TMEM87B: variants seen among roughly 807,000 people sequenced by gnomAD.
The protein encoded by TMEM87B is transmembrane protein 87B.
Under a neutral mutation model 80.3 loss-of-function variants are expected in TMEM87B, and 83 were observed. That is an observed-to-expected ratio of 1.03 (90% confidence interval 0.87 to 1.24). The LOEUF is 1.24. Ranked by LOEUF, TMEM87B falls within the 50% of genes most tolerant of loss-of-function variation. The probability of loss-of-function intolerance (pLI) is 0.00; values close to 1 mark genes in which losing one functional copy is unlikely to be tolerated. For synonymous variants in TMEM87B, 219 were observed against 230.5 expected (o/e 0.95, Z 0.45); for missense variants, 625 against 674.4 (o/e 0.93, Z 0.81).
At position 112,072,930 on chromosome 2, in the gene TMEM87B, C is replaced by T. The variant is rs529142030; in HGVS notation, c.451-1982C>T. 4.0e-3 allele frequency among the ~76,000 whole-genome samples: 479 copies of T among 118,568 alleles called. 1 individual carries two copies. Among genetic ancestry groups the T allele is most frequent in the Middle Eastern group, 0.032 (4 of 124 alleles). The allele number at this position is 118,568 out of a possible 152,430, so 77.8% of individuals were successfully genotyped here. A position where few individuals can be genotyped will look rare whatever the true frequency, so the allele number is the denominator to read the frequency against. On this transcript the variant is annotated intron_variant, in intron 4 of 18. Coordinates refer to ENST00000283206, the MANE Select transcript of TMEM87B (RefSeq NM_032824.3). ...TTTTTTTTTTTTTGAGACAGAGTCTCATTCTGTTGCCCAGGCTGGAGGGCA... is the reference window on the plus strand; with the variant it reads ...TTTTTTTTTTTTTGAGACAGAGTCTTATTCTGTTGCCCAGGCTGGAGGGCA...
rs1558837838 is a variant in TMEM87B, at chr2:112,081,129, C to A, written c.654+11C>A. The A allele has an allele frequency of 2.5e-6, 4 of 1,611,124 alleles. No homozygotes were observed. Among genetic ancestry groups the A allele is most frequent in the Non-Finnish European group, 3.4e-6 (4 of 1,178,976 alleles). On this transcript the variant is annotated intron_variant, in intron 7 of 18. Transcript: ENST00000283206. The stretch of plus-strand genomic sequence containing the variant: ...TGGCCCCTAATGATTGTGAGTATTT[C>A]TCATCATTTTTTCCTTTTTAAAAAA...
rs1050660687 is a variant in TMEM87B, at chr2:112,119,081, G to A, written c.*2938G>A. On this transcript the variant is annotated 3_prime_UTR_variant, in exon 19 of 19. Transcript: ENST00000283206. Reference sequence around the variant, plus strand: ...AGGAAGTGTACATTATAATATTGGAGCTCAGTACTGCATGAAGAGACTTCA... The same window carrying A: ...AGGAAGTGTACATTATAATATTGGAACTCAGTACTGCATGAAGAGACTTCA... 6 of 152,100 alleles carry A rather than the reference G, an allele frequency of 3.9e-5. No homozygotes were observed. The highest frequency in any genetic ancestry group is 8.8e-5 in the Non-Finnish European group (6 of 67,992). 9.4% of individuals were successfully genotyped at this position (152,100 alleles called of 1,614,324 possible). A position where few individuals can be genotyped will look rare whatever the true frequency, so the allele number is the denominator to read the frequency against.
At chr2:112,100,763 C>G in intron 15 of TMEM87B, 68 bp downstream of exon 15, 1 of 1,001,082 alleles carries the variant, frequency 1.0e-6, no homozygotes. Flanking sequence ...TACCTTTACC[C>G]GTGATGCAAG....
chr2:112,098,588 C>A lies in TMEM87B; in HGVS notation c.1273-7C>A, dbSNP rs4849007. 817,384 of 1,613,100 alleles carry A rather than the reference C, an allele frequency of 0.51. 213,473 individuals carry two copies. The highest frequency in any genetic ancestry group is 0.86 in the East Asian group (38,654 of 44,842). On this transcript the variant is annotated splice_polypyrimidine_tract_variant and splice_region_variant and intron_variant, in intron 13 of 18. Coordinates refer to ENST00000283206, the MANE Select transcript of TMEM87B (RefSeq NM_032824.3). ...AACGTTTCATGCTTGAATTGTCCTT[C>A]TTTTAGGATTGGATGGAACGCTGGG...
At chr2:112,097,712 CAAAAAAAAA>C (rs68175814) in intron 13 of TMEM87B, among the ~76,000 whole-genome samples, 2 of 57,244 alleles carry the variant, frequency 3.5e-5, no homozygotes, top group Non-Finnish European at 6.4e-5. Flanking sequence ...GACTCCATCT[CAAAAAAAAA>C]AAAAAAAAAA....
At chr2:112,081,567 A>G (rs1234228258) in intron 8 of TMEM87B, 49 bp downstream of exon 8, 1 of 1,523,618 alleles carries the variant, frequency 6.6e-7, no homozygotes, top group East Asian at 2.3e-5. Flanking sequence ...AGAGTTCCCC[A>G]GTATTTATGA....
intron 14 of TMEM87B, 132 bp from the exon 15 acceptor site, chr2:112,100,486 ATAAT>A (rs1679599248): frequency 5.4e-6 from 3 of 558,654 alleles, no homozygotes; most frequent in Non-Finnish European, 9.4e-6. Context: ...TGAAAGTAAA[ATAAT>A]TACGTTTTCA....
At chr2:112,112,135 C>T (rs1657942993) in intron 17 of TMEM87B, among the ~76,000 whole-genome samples, 2 of 152,232 alleles carry the variant, frequency 1.3e-5, no homozygotes, top group African/African-American at 4.8e-5. Context: ...TGGCGTTGTG[C>T]GTGGCTCTTT....
intron 14 of TMEM87B, among the ~76,000 whole-genome samples, chr2:112,099,018 T>C (rs1679552705): frequency 6.6e-6 from 1 of 152,128 alleles, no homozygotes; most frequent in African/African-American, 2.4e-5. Flanking sequence ...CATGAGATAC[T>C]TTGGAGGCCA....
At chr2:112,088,109 T>C (rs902253681) in intron 9 of TMEM87B, among the ~76,000 whole-genome samples, 3 of 152,246 alleles carry the variant, frequency 2.0e-5, no homozygotes, top group African/African-American at 7.2e-5. Context: ...GCTTGTGAGC[T>C]GGGGATTGGG....
chr2:112,098,330 C>A (rs1401722227), intron 13 of TMEM87B, among the ~76,000 whole-genome samples: 1 of 152,138 alleles, frequency 6.6e-6, no homozygotes, highest in Non-Finnish European at 1.5e-5. Context: ...ATTTGAAATC[C>A]TAAGTATATG....
At chr2:112,101,514 A>G (rs944872963) in intron 15 of TMEM87B, among the ~76,000 whole-genome samples, 12 of 152,188 alleles carry the variant, frequency 7.9e-5, no homozygotes, top group African/African-American at 2.7e-4. Context: ...TGACTCTCCC[A>G]GAACTTAACT....
At chr2:112,100,494 G>A (rs984727588) in intron 14 of TMEM87B, 128 bp from the exon 15 acceptor site, 59 of 571,618 alleles carry the variant, frequency 1.0e-4, no homozygotes, top group South Asian at 9.8e-4. Context: ...AAATAATTAC[G>A]TTTTCATTAT....
At chr2:112,084,508 C>T (rs1203982784) in intron 8 of TMEM87B, among the ~76,000 whole-genome samples, 6 of 152,224 alleles carry the variant, frequency 3.9e-5, no homozygotes, top group African/African-American at 1.4e-4. Context: ...TCCAGGTGTT[C>T]CTCTCGCTGC....
chr2:112,056,749 G>A (rs13024271), intron 1 of TMEM87B, among the ~76,000 whole-genome samples: 33,689 of 152,134 alleles, frequency 0.22, 4,170 homozygotes, highest in Middle Eastern at 0.39. Context: ...GGAACACGCT[G>A]GGTATCTTTC....
At chr2:112,064,487 G>A (rs188327386) in intron 3 of TMEM87B, among the ~76,000 whole-genome samples, 1 of 152,262 alleles carries the variant, frequency 6.6e-6, no homozygotes, top group African/African-American at 2.4e-5. Context: ...CAGGCACGTA[G>A]GAGTCATTGA....
At position 112,107,815 on chromosome 2, in the gene TMEM87B, A is replaced by C. The variant is rs772062999; in HGVS notation, c.1552A>C (p.Asn518His). 6.3e-7 allele frequency: 1 copy of C among 1,581,920 alleles called. No homozygotes were observed. The highest frequency in any genetic ancestry group is 1.1e-5 in the South Asian group (1 of 87,052). Reference sequence around the variant, plus strand: ...TGAAGATTTGAAGTGGGTAGAAGAAAATATTCCCTCTTCATTCACAGATGT... The same window carrying C: ...TGAAGATTTGAAGTGGGTAGAAGAACATATTCCCTCTTCATTCACAGATGT... The part of the protein sequence containing the change: ...FDEDLKWVEE[N>H]IPSSFTDVAL... Residue 518 changes from asparagine (N) to histidine (H), a missense_variant, in exon 17 of 19, where the codon AAT becomes CAT. Coordinates refer to ENST00000283206, the MANE Select transcript of TMEM87B (RefSeq NM_032824.3).
Position 112,056,356 on chromosome 2 carries a change from G to A in TMEM87B, c.165+600G>A, listed in dbSNP as rs529575904. Among the ~76,000 whole-genome samples, 395 of 152,310 alleles carry A rather than the reference G, an allele frequency of 2.6e-3. 2 individuals are homozygous for A. The South Asian group carries it at 0.033, about 13-fold the overall frequency. On this transcript the variant is annotated intron_variant, in intron 1 of 18. Coordinates refer to ENST00000283206, the MANE Select transcript of TMEM87B (RefSeq NM_032824.3). The stretch of plus-strand genomic sequence containing the variant: ...GTCACAGTTCCGGGAGAGAGAGTGT[G>A]TGTGTAGGTGGGGCGGGACTTGTGA...
At chr2:112,075,119 G>A (rs1357820131) in intron 5 of TMEM87B, among the ~76,000 whole-genome samples, 157 bp downstream of exon 5, 1 of 152,188 alleles carries the variant, frequency 6.6e-6, no homozygotes, top group African/African-American at 2.4e-5. Context: ...ATGTTTTCAG[G>A]CCAGGTGCAG....
Sources: gnomAD v4.1 joint callset for allele counts (sites outside exome capture counted in the v4.1 genomes callset) on GRCh38, gnomAD v4.1.1 for gene constraint, MANE v1.5 for transcripts, NCBI Gene and HGNC (gene_info 2026-07-23, HGNC 2026-07-21) for gene names.